DCUN1D4: variants seen among roughly 807,000 people sequenced by gnomAD.
DCUN1D4 encodes the protein defective in cullin neddylation 1 domain containing 4, also known as DCN1-like protein 4.
In DCUN1D4, 22 loss-of-function variants were observed where a neutral mutation model predicts 47.9. The ratio of observed to expected loss-of-function variants is 0.46; its 90% CI spans 0.33 to 0.66. DCUN1D4 has a LOEUF of 0.66. Ranked by LOEUF, DCUN1D4 falls within the 30% of genes least tolerant of loss-of-function variation. The pLI, the probability that DCUN1D4 is intolerant of heterozygous loss-of-function variation, is 0.02. For missense variants in DCUN1D4, 301 were observed against 340.8 expected (o/e 0.88, Z 0.92); for synonymous variants, 121 against 112.2 (o/e 1.08, Z -0.50).
intron 7 of DCUN1D4, among the ~76,000 whole-genome samples, chr4:51,897,032 C>T (rs941631956): frequency 6.6e-6 from 1 of 152,212 alleles, no homozygotes; most frequent in African/African-American, 2.4e-5. Flanking sequence ...CCATCTGCTT[C>T]TGGGCCTTTG....
chr4:51,913,411 A>G lies in DCUN1D4; in HGVS notation c.823+19A>G, dbSNP rs199758089. The G allele has an allele frequency of 2.1e-5, 33 of 1,595,974 alleles. No homozygotes were observed. The highest frequency in any genetic ancestry group is 2.0e-4 in the African/African-American group (15 of 74,592). On this transcript the variant is annotated intron_variant, in intron 10 of 10. Coordinates refer to ENST00000334635, the MANE Select transcript of DCUN1D4 (RefSeq NM_001040402.3). ...GGAGCATGTAAGTACTGCCGCTACC[A>G]TTCTGCCATTCGTGTACATTTCTAT...
chr4:51,873,554 C>T (rs1220607153), intron 3 of DCUN1D4, among the ~76,000 whole-genome samples: 4 of 152,138 alleles, frequency 2.6e-5, no homozygotes, highest in African/African-American at 9.7e-5. Context: ...GGAAACTGAA[C>T]CTAAATGAGT....
intron 3 of DCUN1D4, among the ~76,000 whole-genome samples, chr4:51,870,604 A>G (rs191415748): frequency 6.6e-6 from 1 of 152,132 alleles, no homozygotes; most frequent in Non-Finnish European, 1.5e-5. Flanking sequence ...TAATGGATGT[A>G]TCTTATTATT....
At chr4:51,882,492 G>C (rs951772188) in intron 5 of DCUN1D4, among the ~76,000 whole-genome samples, 17 of 152,196 alleles carry the variant, frequency 1.1e-4, no homozygotes, top group Admixed American at 9.2e-4. Flanking sequence ...CACAGGCCGG[G>C]CACAGTGGCT....
chr4:51,863,628 C>T lies in DCUN1D4; in HGVS notation c.97-42C>T, dbSNP rs377727373. ...TATCAGTTGTTTATGAAAATGCTAA[C>T]GGTATGTGATTTCTTCGTAATAACG... is the stretch of plus-strand genomic sequence containing the variant. On this transcript the variant is annotated intron_variant, in intron 2 of 10. Transcript: ENST00000334635. The T allele has an allele frequency of 1.4e-5, 22 of 1,605,948 alleles. No individual in the cohort carries two copies. In the African/African-American group the frequency reaches 1.5e-4, roughly 11 times the overall value.
intron 7 of DCUN1D4, among the ~76,000 whole-genome samples, chr4:51,896,825 G>A (rs988240320): frequency 2.6e-5 from 4 of 152,058 alleles, no homozygotes; most frequent in East Asian, 1.9e-4. Flanking sequence ...AGCCCTGATC[G>A]TGGTCTTTCT....
At chr4:51,850,287 T>G (rs887141491) in intron 1 of DCUN1D4, among the ~76,000 whole-genome samples, 1 of 152,208 alleles carries the variant, frequency 6.6e-6, no homozygotes, top group Non-Finnish European at 1.5e-5. Flanking sequence ...CGCACAGAAG[T>G]GTCTTGAGTT....
chr4:51,869,789 G>T (rs894264917), intron 3 of DCUN1D4, among the ~76,000 whole-genome samples: 1 of 152,146 alleles, frequency 6.6e-6, no homozygotes, highest in Non-Finnish European at 1.5e-5. Flanking sequence ...TAGACCTGTT[G>T]AAAAAATGTT....
intron 7 of DCUN1D4, among the ~76,000 whole-genome samples, chr4:51,895,559 TAAAAAAAAAAAAA>T (rs67542268): frequency 2.0e-4 from 18 of 88,502 alleles, no homozygotes; most frequent in Non-Finnish European, 3.1e-4. Context: ...TGCTTAAACT[TAAAAAAAAAAAAA>T]AAAAAAAAAA....
At chr4:51,889,103 T>C (rs1327939712) in intron 6 of DCUN1D4, among the ~76,000 whole-genome samples, 1 of 152,190 alleles carries the variant, frequency 6.6e-6, no homozygotes, top group Non-Finnish European at 1.5e-5. Context: ...AGTGAGACTC[T>C]GTCTCGAAAA....
chr4:51,885,021 C>T (rs1729237102), intron 5 of DCUN1D4: 1 of 152,058 alleles, frequency 6.6e-6, no homozygotes, highest in Admixed American at 6.6e-5. Context: ...GATTCATTTA[C>T]TTCTGAGAAA....
At chr4:51,888,274 G>C (rs1729836683) in intron 6 of DCUN1D4, among the ~76,000 whole-genome samples, 1 of 152,136 alleles carries the variant, frequency 6.6e-6, no homozygotes, top group African/African-American at 2.4e-5. Flanking sequence ...GGGATTAGCT[G>C]AGCATTTAGT....
rs896392755 is a variant in DCUN1D4 at position 51,914,117 on chromosome 4, C to T, written c.*533C>T. The T allele has an allele frequency of 1.3e-5, 2 of 152,656 alleles. No homozygotes were observed. The highest frequency in any genetic ancestry group is 4.8e-5 in the African/African-American group (2 of 41,414). The allele number at this position is 152,656 out of a possible 1,614,324, so 9.5% of individuals were successfully genotyped here. ...CTTTTTAGAGGCATATGCCAAATATCATTTGGTATACTTAACAATATTAGT... is the reference window on the plus strand; with the variant it reads ...CTTTTTAGAGGCATATGCCAAATATTATTTGGTATACTTAACAATATTAGT... On this transcript the variant is annotated 3_prime_UTR_variant, in exon 11 of 11. Transcript: ENST00000334635.
chr4:51,882,884 C>T (rs955859420), intron 5 of DCUN1D4, among the ~76,000 whole-genome samples: 4 of 152,040 alleles, frequency 2.6e-5, no homozygotes, highest in Admixed American at 6.5e-5. Flanking sequence ...CTTTCCCCCC[C>T]GGCTCTATGC....
intron 3 of DCUN1D4, chr4:51,865,375 C>T (rs1163837600): frequency 5.6e-6 from 1 of 178,802 alleles, no homozygotes; most frequent in Non-Finnish European, 1.2e-5. Context: ...ATTGTATCAT[C>T]TTAGGCACTG....
intron 5 of DCUN1D4, among the ~76,000 whole-genome samples, chr4:51,885,225 G>C (rs144389024): frequency 2.2e-4 from 33 of 152,276 alleles, no homozygotes; most frequent in African/African-American, 7.5e-4. Context: ...TGGGTCGGGG[G>C]GAAAAGACTC....
rs1733664095 is a variant in DCUN1D4, at chr4:51,911,182, A to G, written c.720+8A>G. 6.2e-7 allele frequency: 1 copy of G among 1,605,010 alleles called. No homozygotes were observed. The highest frequency in any genetic ancestry group is 8.5e-7 in the Non-Finnish European group (1 of 1,175,176). ...TTTCACCAATTCTTAGAGGTACCAA[A>G]TTGTTGTTTTATGAAATGTATGTTT... On this transcript the variant is annotated splice_region_variant and intron_variant, in intron 9 of 10. Transcript: ENST00000334635.
intron 3 of DCUN1D4, among the ~76,000 whole-genome samples, chr4:51,870,560 C>T (rs970883960): frequency 4.0e-5 from 6 of 151,218 alleles, no homozygotes; most frequent in Non-Finnish European, 5.9e-5. Context: ...ATTTATTCAA[C>T]AAATATTTAC....
chr4:51,834,848 C>T, the DCUN1D4 span, among the ~76,000 whole-genome samples: 1 of 152,142 alleles, frequency 6.6e-6, no homozygotes, highest in Admixed American at 6.5e-5. Context: ...CCTTTAAAGT[C>T]GCATTGCTTG....
Sources: gnomAD v4.1 joint callset for allele counts (sites outside exome capture counted in the v4.1 genomes callset) on GRCh38, gnomAD v4.1.1 for gene constraint, MANE v1.5 for transcripts, NCBI Gene and HGNC (gene_info 2026-07-23, HGNC 2026-07-21) for gene names.